Variants in TIAM1 observed in about 807,000 individuals in gnomAD.
TIAM1 encodes rho guanine nucleotide exchange factor TIAM1.
A neutral mutation model predicts 163.5 loss-of-function variants in TIAM1; 65 were observed. The observed-to-expected ratio is 0.40, with a 90% CI of 0.33 to 0.49. The LOEUF is 0.49. Ranked by LOEUF, TIAM1 falls within the 20% of genes least tolerant of loss-of-function variation. The pLI is 0.77. For synonymous variants in TIAM1, 833 were observed against 810.1 expected, an observed-to-expected ratio of 1.03 and a Z score of -0.48; for missense variants, 1,789 against 2,044.7, an observed-to-expected ratio of 0.87 and a Z score of 2.41.
rs902543934 is a variant in TIAM1 at position 31,272,785 on chromosome 21, C to G, written c.-12+3947G>C. ...TTAGCTGAAAAGCATCTAGAATATT[C>G]TAACATAATTTCAATGAATTAGGCA... On this transcript the variant is annotated intron_variant, in intron 3 of 27. Coordinates refer to ENST00000541036, the MANE Select transcript of TIAM1 (RefSeq NM_001353694.2). Among the ~76,000 whole-genome samples the G allele has an allele frequency of 1.6e-4, 24 of 152,164 alleles. 1 individual carries two copies. Among genetic ancestry groups the G allele is most frequent in the South Asian group, 8.3e-4 (4 of 4,822 alleles).
chr21:31,388,280 G>C (rs2076913440), intron 2 of TIAM1, among the ~76,000 whole-genome samples: 1 of 144,120 alleles, frequency 6.9e-6, no homozygotes, highest in African/African-American at 2.7e-5. Context: ...TGAATACGGT[G>C]AATCTGATAA....
intron 8 of TIAM1, among the ~76,000 whole-genome samples, chr21:31,222,494 T>G (rs758177439): frequency 6.6e-6 from 1 of 151,854 alleles, no homozygotes; most frequent in Non-Finnish European, 1.5e-5. Context: ...CCTCAAGCAA[T>G]GCATATATGT....
chr21:31,199,323 A>G (rs1447003307), intron 12 of TIAM1, among the ~76,000 whole-genome samples: 2 of 151,986 alleles, frequency 1.3e-5, no homozygotes, highest in East Asian at 1.9e-4. Context: ...TGAGCCTTTC[A>G]AAGCCGACAA....
At position 31,446,123 on chromosome 21, in the gene TIAM1, T is replaced by C. The variant is rs376470977; in HGVS notation, c.-369+17860A>G. Among the ~76,000 whole-genome samples the C allele has an allele frequency of 1.5e-4, 23 of 152,092 alleles. No homozygotes were observed. In the East Asian group the frequency reaches 4.5e-3, roughly 30 times the overall value. On this transcript the variant is annotated intron_variant, in intron 2 of 28. Coordinates refer to the TIAM1 transcript ENST00000286827. ...ACCTGGCTAATTTTTGTACTTGGGG[T>C]AGAGGCAGGGTTTCACCATGTTGGC... is the stretch of plus-strand genomic sequence containing the variant.
intron 2 of TIAM1, among the ~76,000 whole-genome samples, chr21:31,454,837 C>T (rs4816396): frequency 6.6e-6 from 1 of 152,160 alleles, no homozygotes; most frequent in Non-Finnish European, 1.5e-5. Context: ...ATGTAACTCC[C>T]TAGTGAGCGT....
chr21:31,340,475 C>A (rs923448979), intron 1 of TIAM1, among the ~76,000 whole-genome samples: 1 of 152,136 alleles, frequency 6.6e-6, no homozygotes, highest in Non-Finnish European at 1.5e-5. Context: ...GTCTGTGGCA[C>A]GAAACTGCTA....
intron 1 of TIAM1, among the ~76,000 whole-genome samples, chr21:31,476,094 C>T (rs1342807770): frequency 6.6e-6 from 1 of 152,130 alleles, no homozygotes; most frequent in Non-Finnish European, 1.5e-5. Flanking sequence ...GCAGGACAAA[C>T]GAAATATCTG....
At chr21:31,514,954 C>T (rs2047333129) in intron 1 of TIAM1, among the ~76,000 whole-genome samples, 1 of 152,206 alleles carries the variant, frequency 6.6e-6, no homozygotes, top group Non-Finnish European at 1.5e-5. Context: ...TTATTTCTTG[C>T]TTCCAACTCT....
chr21:31,474,823 G>A (rs1446908423), intron 1 of TIAM1, among the ~76,000 whole-genome samples: 3 of 151,890 alleles, frequency 2.0e-5, no homozygotes, highest in Non-Finnish European at 4.4e-5. Context: ...TGGGATTACA[G>A]GCCACCGCTC....
intron 13 of TIAM1, among the ~76,000 whole-genome samples, chr21:31,187,484 C>T (rs1733970523): frequency 6.6e-6 from 1 of 152,150 alleles, no homozygotes; most frequent in Non-Finnish European, 1.5e-5. Context: ...ATGTTAACAA[C>T]TGTACTGTTG....
chr21:31,414,171 G>A (rs1239186740), intron 2 of TIAM1, among the ~76,000 whole-genome samples: 2 of 152,134 alleles, frequency 1.3e-5, no homozygotes, highest in Non-Finnish European at 2.9e-5. Flanking sequence ...GGCAAGCCTC[G>A]AAAATGGCCA....
chr21:31,542,236 T>C (rs748151204), intron 1 of TIAM1, among the ~76,000 whole-genome samples: 27 of 151,868 alleles, frequency 1.8e-4, no homozygotes, highest in Non-Finnish European at 3.4e-4. Flanking sequence ...CCATCCTGGC[T>C]AACACGGTGA....
intron 1 of TIAM1, among the ~76,000 whole-genome samples, chr21:31,486,291 C>T (rs1467380259): frequency 6.6e-6 from 1 of 152,210 alleles, no homozygotes; most frequent in African/African-American, 2.4e-5. Flanking sequence ...CTCTGACAGC[C>T]AGTCAGTGGC....
At chr21:31,231,641 C>T (rs181081446) in intron 6 of TIAM1, among the ~76,000 whole-genome samples, 12 of 152,256 alleles carry the variant, frequency 7.9e-5, no homozygotes, top group African/African-American at 2.6e-4. Flanking sequence ...TAAAGAAAGA[C>T]AGTGGTTGCT....
chr21:31,466,807 C>T (rs975280280), intron 1 of TIAM1, among the ~76,000 whole-genome samples: 1 of 152,134 alleles, frequency 6.6e-6, no homozygotes, highest in Non-Finnish European at 1.5e-5. Context: ...CGTTTCTAAA[C>T]ATCAAGCTAC....
intron 2 of TIAM1, among the ~76,000 whole-genome samples, chr21:31,429,206 T>C (rs1231911568): frequency 6.6e-6 from 1 of 152,058 alleles, no homozygotes; most frequent in Non-Finnish European, 1.5e-5. Context: ...TTCATTATGT[T>C]GCCGAGCCTG....
At chr21:31,164,857 G>C in intron 16 of TIAM1, 105 bp downstream of exon 16, 1 of 1,135,118 alleles carries the variant, frequency 8.8e-7, no homozygotes, top group Non-Finnish European at 1.3e-6. Flanking sequence ...AAAACACTTC[G>C]TCCATGGAGA....
rs397792273 is a variant in TIAM1 at position 31,261,262 on chromosome 21, C to CTTTT, written c.963+4744_963+4747dup. ...TAATAATTTTCTTTTCAGCCAAGTC[C>CTTTT]TTTTTTTTTTTTTTTGTATCTGTAC... On this transcript the variant is annotated intron_variant, in intron 4 of 27. Coordinates refer to ENST00000541036, the MANE Select transcript of TIAM1 (RefSeq NM_001353694.2). 1.5e-3 allele frequency among the ~76,000 whole-genome samples: 204 copies of CTTTT among 136,886 alleles called. 2 individuals are homozygous for CTTTT. Among genetic ancestry groups the CTTTT allele is most frequent in the African/African-American group, 5.0e-3 (179 of 35,968 alleles). 89.8% of individuals were successfully genotyped at this position (136,886 alleles called of 152,430 possible).
rs1220288355 is a variant in TIAM1 at position 31,503,238 on chromosome 21, T to TA, written c.-421-39204dup. 9.3e-5 allele frequency among the ~76,000 whole-genome samples: 14 copies of TA among 150,524 alleles called. 1 individual carries two copies. The highest frequency in any genetic ancestry group is 4.6e-4 in the Admixed American group (7 of 15,074). ...AGCAAAACCCCGTCTCTACTAAAAA[T>TA]AAAAAAAATAGCCAGGTGTGGTGGT... is the stretch of plus-strand genomic sequence containing the variant. On this transcript the variant is annotated intron_variant, in intron 1 of 28. Transcript: ENST00000286827.
Sources: gnomAD v4.1 joint callset for allele counts (sites outside exome capture counted in the v4.1 genomes callset) on GRCh38, gnomAD v4.1.1 for gene constraint, MANE v1.5 for transcripts, NCBI Gene and HGNC (gene_info 2026-07-23, HGNC 2026-07-21) for gene names.